Variants in SBF2 observed in about 807,000 individuals in gnomAD.
The protein encoded by SBF2 is SET binding factor 2.
A neutral mutation model predicts 225.2 loss-of-function variants in SBF2; 112 were observed. The ratio of observed to expected loss-of-function variants is 0.50; its 90% CI spans 0.43 to 0.58. SBF2 has a LOEUF of 0.58. Among genes scored for constraint, SBF2 ranks in the 20% least tolerant of loss-of-function variants. The probability of loss-of-function intolerance (pLI) is 0.00; values close to 1 mark genes in which losing one functional copy is unlikely to be tolerated. For missense variants in SBF2, 1,996 were observed against 2,206.2 expected (o/e 0.90, Z 1.91); for synonymous variants, 763 against 773.3 (o/e 0.99, Z 0.22).
At chr11:10,126,463 AG>A (rs1386231074) in intron 2 of SBF2, among the ~76,000 whole-genome samples, 1 of 152,134 alleles carries the variant, frequency 6.6e-6, no homozygotes, top group Non-Finnish European at 1.5e-5. Context: ...AGGAAGGCAA[AG>A]GGAACAAGCC....
Position 9,856,506 on chromosome 11 carries a change from G to T in SBF2, c.2315C>A (p.Ser772Ter). Residue 772 changes from serine to a stop codon, truncating the protein, a stop_gained, in exon 19 of 40, where the codon TCA becomes TAA. Coordinates refer to ENST00000256190, the MANE Select transcript of SBF2 (RefSeq NM_030962.4). LOFTEE classifies it high-confidence loss of function. The stretch of plus-strand genomic sequence containing the variant: ...TCCGCTCTCCCAGTCACCTGGCGCT[G>T]ATGTTCTTAGGAGCTTGTTTTTACT... Reference protein sequence around the residue: ...DTSKNKLLRTSAPGDWESGSN... With the variant: ...DTSKNKLLRT 6.2e-7 allele frequency: 1 copy of T among 1,614,200 alleles called. No homozygotes were observed. The highest frequency in any genetic ancestry group is 8.5e-7 in the Non-Finnish European group (1 of 1,180,038).
intron 16 of SBF2, among the ~76,000 whole-genome samples, chr11:9,943,227 T>C (rs1286997212): frequency 6.6e-6 from 1 of 152,106 alleles, no homozygotes; most frequent in Non-Finnish European, 1.5e-5. Flanking sequence ...TTCACAAAAA[T>C]CAATTTCAGA....
chr11:10,207,422 C>G (rs1409233201), intron 1 of SBF2, among the ~76,000 whole-genome samples: 2 of 152,076 alleles, frequency 1.3e-5, no homozygotes, highest in Non-Finnish European at 2.9e-5. Context: ...CCAAGTCATC[C>G]TCAATCTAGT....
intron 13 of SBF2, among the ~76,000 whole-genome samples, chr11:9,979,544 A>G (rs1251959418): frequency 6.6e-6 from 1 of 152,220 alleles, no homozygotes; most frequent in African/African-American, 2.4e-5. Flanking sequence ...TAGTATACTA[A>G]TCAGGAAACA....
intron 15 of SBF2, among the ~76,000 whole-genome samples, chr11:9,963,519 T>C (rs1043195530): frequency 6.6e-6 from 1 of 152,158 alleles, no homozygotes. Context: ...TATCCCAAAA[T>C]AGTGTTTTGT....
intron 1 of SBF2, among the ~76,000 whole-genome samples, chr11:10,301,982 AT>A (rs201053189): frequency 5.3e-5 from 8 of 151,806 alleles, no homozygotes; most frequent in African/African-American, 1.5e-4. Context: ...ATTAACAAGG[AT>A]TTTTTTTTCT....
In SBF2 at chr11:10,279,401, G is replaced by A. The variant is rs375334140; in HGVS notation, c.55+14614C>T. 2.3e-4 allele frequency among the ~76,000 whole-genome samples: 33 copies of A among 141,488 alleles called. No homozygotes were observed. In the South Asian group the frequency reaches 7.0e-3, roughly 30 times the overall value. 92.8% of individuals were successfully genotyped at this position (141,488 alleles called of 152,430 possible). A position where few individuals can be genotyped will look rare whatever the true frequency, so the allele number is the denominator to read the frequency against. ...GCACTCCAGCCTGGGCAACAAGAGC[G>A]AGACTCCATCTCAAAAAAAAAAAAA... On this transcript the variant is annotated intron_variant, in intron 1 of 39. Transcript: ENST00000256190.
At chr11:9,803,551 G>A (rs1316510516) in intron 32 of SBF2, among the ~76,000 whole-genome samples, 1 of 151,730 alleles carries the variant, frequency 6.6e-6, no homozygotes, top group Non-Finnish European at 1.5e-5. Flanking sequence ...AGACAATGAT[G>A]TTCCCATCTT....
At chr11:9,798,310 T>C (rs1269680411) in intron 32 of SBF2, among the ~76,000 whole-genome samples, 1 of 152,168 alleles carries the variant, frequency 6.6e-6, no homozygotes, top group Non-Finnish European at 1.5e-5. Flanking sequence ...TGTAATGCCA[T>C]ACAGAGCTCT....
chr11:10,070,227 C>T (rs1052016130), intron 2 of SBF2, among the ~76,000 whole-genome samples: 12 of 152,198 alleles, frequency 7.9e-5, no homozygotes, highest in African/African-American at 2.4e-4. Context: ...ATGAAGTCCT[C>T]GCCCATGCCT....
intron 17 of SBF2, among the ~76,000 whole-genome samples, chr11:9,871,470 CTTATTATTATTA>C (rs375904547): frequency 6.3e-4 from 86 of 136,938 alleles, no homozygotes; most frequent in African/African-American, 2.1e-3. Flanking sequence ...CAGGATGACG[CTTATTATTATTA>C]TTATTATTAT....
At chr11:10,189,769 TTA>T in intron 2 of SBF2, among the ~76,000 whole-genome samples, 1 of 152,306 alleles carries the variant, frequency 6.6e-6, no homozygotes, top group Middle Eastern at 3.4e-3. Context: ...AACAAAAACC[TTA>T]GTACAGGCAT....
chr11:10,106,556 G>A (rs1372132424), intron 2 of SBF2, among the ~76,000 whole-genome samples: 4 of 150,490 alleles, frequency 2.7e-5, no homozygotes, highest in African/African-American at 7.3e-5. Flanking sequence ...TTGAACCCGC[G>A]CAGCAGAGGT....
At chr11:10,105,447 G>T (rs1416303277) in intron 2 of SBF2, among the ~76,000 whole-genome samples, 1 of 152,148 alleles carries the variant, frequency 6.6e-6, no homozygotes, top group Non-Finnish European at 1.5e-5. Flanking sequence ...ACTTCGTGAA[G>T]AATAATCACA....
At chr11:9,835,001 C>A (rs1231039826) in intron 26 of SBF2, among the ~76,000 whole-genome samples, 1 of 152,114 alleles carries the variant, frequency 6.6e-6, no homozygotes, top group Non-Finnish European at 1.5e-5. Context: ...GCCCCTCATG[C>A]TGGGGCAAAT....
In SBF2 at chr11:9,961,990, G is replaced by T; in HGVS notation, c.1827C>A (p.Asp609Glu). Residue 609 changes from aspartate (D) to glutamate (E), a missense_variant, in exon 16 of 40, where the codon GAC becomes GAA. Asp to Glu is a conservative substitution (Grantham distance 45). Coordinates refer to ENST00000256190, the MANE Select transcript of SBF2 (RefSeq NM_030962.4). ...TACAATTCATCATCCTTATTATGTA[G>T]TCAAACTGTTGATGGTCTAATATTG... ...NRAILDHQQF[D>E]YIIRMMNCTL... The T allele has an allele frequency of 6.2e-7, 1 of 1,613,926 alleles. No homozygotes were observed. Among genetic ancestry groups the T allele is most frequent in the South Asian group, 1.1e-5 (1 of 91,070 alleles).
chr11:9,833,672 G>A (rs1349191011), intron 26 of SBF2, among the ~76,000 whole-genome samples: 2 of 151,692 alleles, frequency 1.3e-5, no homozygotes, highest in Non-Finnish European at 2.9e-5. Flanking sequence ...TGCCCACCTT[G>A]GCCTCCCAAA....
intron 2 of SBF2, among the ~76,000 whole-genome samples, chr11:10,076,217 G>T (rs1442148930): frequency 6.6e-6 from 1 of 152,176 alleles, no homozygotes; most frequent in Non-Finnish European, 1.5e-5. Flanking sequence ...ACCCTACTGA[G>T]AGCTAGATCT....
chr11:9,854,889 G>A (rs1343990351), intron 19 of SBF2, among the ~76,000 whole-genome samples: 6 of 152,124 alleles, frequency 3.9e-5, no homozygotes, highest in Non-Finnish European at 1.5e-5. Flanking sequence ...CCCATGCCTG[G>A]TCCAAAACTT....
Sources: gnomAD v4.1 joint callset for allele counts (sites outside exome capture counted in the v4.1 genomes callset) on GRCh38, gnomAD v4.1.1 for gene constraint, MANE v1.5 for transcripts, NCBI Gene and HGNC (gene_info 2026-07-23, HGNC 2026-07-21) for gene names.